Variants in DACH2 observed in about 807,000 individuals in gnomAD.
DACH2 encodes the protein dachshund homolog 2.
In DACH2, 17 loss-of-function variants were observed where a neutral mutation model predicts 35.8. The observed-to-expected ratio is 0.48, with a 90% confidence interval of 0.33 to 0.71. The LOEUF (loss-of-function observed/expected upper bound fraction) is 0.71, where lower values mean the gene tolerates loss of function less well. Among genes scored for constraint, DACH2 ranks in the 30% least tolerant of loss-of-function variants. The pLI, the probability that DACH2 is intolerant of heterozygous loss-of-function variation, is 0.02. For missense variants in DACH2, 469 were observed against 472.7 expected (o/e 0.99, Z 0.07); for synonymous variants, 195 against 177.3 (o/e 1.10, Z -0.79).
chrX:86,318,500 G>A (rs748639675), intron 1 of DACH2, among the ~76,000 whole-genome samples: 20 of 111,589 alleles, frequency 1.8e-4, no homozygotes, highest in Non-Finnish European at 3.6e-4. Context: ...GAGCATGATT[G>A]ACAAATTTGA....
chrX:86,234,809 C>T (rs1569311219), intron 1 of DACH2, among the ~76,000 whole-genome samples: 2 of 110,247 alleles, frequency 1.8e-5, no homozygotes, highest in Non-Finnish European at 3.8e-5. Flanking sequence ...GATAGGGTTT[C>T]GCCAAGTTGC....
intron 2 of DACH2, among the ~76,000 whole-genome samples, chrX:86,428,810 G>T (rs1229701164): frequency 9.3e-6 from 1 of 108,106 alleles, no homozygotes; most frequent in East Asian, 2.9e-4. Context: ...GCCTGGATTT[G>T]TCTGAAACTT....
chrX:86,263,107 T>C (rs2033656242), intron 1 of DACH2: 3 of 431,474 alleles, frequency 7.0e-6, no homozygotes, highest in Non-Finnish European at 8.7e-6. Context: ...GGACATTATG[T>C]AAGGAAAAGA....
intron 3 of DACH2, among the ~76,000 whole-genome samples, chrX:86,593,354 G>C (rs191659659): frequency 1.5e-3 from 165 of 107,421 alleles, no homozygotes; most frequent in African/African-American, 5.6e-3. Context: ...CACACTTGAA[G>C]TAAACCCTAT....
chrX:86,593,600 T>C (rs1198626233), intron 3 of DACH2, among the ~76,000 whole-genome samples: 3 of 107,927 alleles, frequency 2.8e-5, no homozygotes, highest in Non-Finnish European at 5.7e-5. Flanking sequence ...CTAAGTTTTG[T>C]ACTTTTTGTA....
chrX:86,769,879 A>G (rs1163710875), intron 7 of DACH2, among the ~76,000 whole-genome samples: 1 of 109,958 alleles, frequency 9.1e-6, no homozygotes, highest in Non-Finnish European at 1.9e-5. Context: ...GTGCAATTAT[A>G]GGCCAGGCGT....
intron 4 of DACH2, among the ~76,000 whole-genome samples, chrX:86,693,964 C>T (rs745412229): frequency 2.0e-5 from 2 of 100,939 alleles, no homozygotes; most frequent in South Asian, 4.5e-4. Context: ...TTCAATGTTG[C>T]GGATATGAGT....
chrX:86,148,481 T>A lies in DACH2; in HGVS notation c.-140T>A. The A allele has an allele frequency of 2.9e-6, 2 of 693,419 alleles. No individual in the cohort carries two copies. Among genetic ancestry groups the A allele is most frequent in the Non-Finnish European group, 4.2e-6 (2 of 479,785 alleles). The allele number at this position is 693,419 out of a possible 1,213,427, so 57.1% of individuals were successfully genotyped here. A position where few individuals can be genotyped will look rare whatever the true frequency, so the allele number is the denominator to read the frequency against. Reference sequence around the variant, plus strand: ...TTGTTGAGCTTGAGCGTGAGCCGGCTGCTGAAGACTTGCGAACAGTTCGGA... The same window carrying A: ...TTGTTGAGCTTGAGCGTGAGCCGGCAGCTGAAGACTTGCGAACAGTTCGGA... On this transcript the variant is annotated 5_prime_UTR_variant, in exon 1 of 12. Transcript: ENST00000373125.
chrX:86,232,842 T>C (rs1231587426), intron 1 of DACH2, among the ~76,000 whole-genome samples: 3 of 112,085 alleles, frequency 2.7e-5, no homozygotes, highest in African/African-American at 6.5e-5. Flanking sequence ...CATTACTGGA[T>C]GTATGCCCAA....
chrX:86,217,881 AAATGT>A (rs765331960), intron 1 of DACH2, among the ~76,000 whole-genome samples: 1,194 of 111,891 alleles, frequency 0.011, 21 homozygotes, highest in African/African-American at 0.037. Context: ...TATGGATAAC[AAATGT>A]AATGTAATGA....
At chrX:86,376,151 ATGTGTGTGTGTG>A (rs57467884) in intron 1 of DACH2, among the ~76,000 whole-genome samples, 2 of 95,791 alleles carry the variant, frequency 2.1e-5, no homozygotes, top group African/African-American at 3.8e-5. Context: ...GTGTGTGTGT[ATGTGTGTGTGTG>A]TGTGTGTGTG....
At chrX:86,358,386 C>A (rs2035677032) in intron 1 of DACH2, among the ~76,000 whole-genome samples, 1 of 106,405 alleles carries the variant, frequency 9.4e-6, no homozygotes. Flanking sequence ...AGTAGATTTA[C>A]CTGAGATAGA....
intron 3 of DACH2, among the ~76,000 whole-genome samples, chrX:86,515,360 G>A (rs1220512896): frequency 9.0e-6 from 1 of 110,620 alleles, no homozygotes; most frequent in East Asian, 2.9e-4. Context: ...AAACTTTGGA[G>A]CTGTATTTTG....
intron 1 of DACH2, among the ~76,000 whole-genome samples, chrX:86,200,607 A>G (rs1340474287): frequency 9.6e-6 from 1 of 103,741 alleles, no homozygotes; most frequent in Non-Finnish European, 2.0e-5. Context: ...AACCCCATTG[A>G]AAAGTGGGTA....
chrX:86,200,487 A>T lies in DACH2; in HGVS notation c.488+51379A>T, dbSNP rs1290780169. Reference sequence around the variant, plus strand: ...CAAAAAAACTATCAACAGAGTAAACAGAGAACATACAGAATGGGAGAAAAT... The same window carrying T: ...CAAAAAAACTATCAACAGAGTAAACTGAGAACATACAGAATGGGAGAAAAT... On this transcript the variant is annotated intron_variant, in intron 1 of 11. Coordinates refer to ENST00000373125, the MANE Select transcript of DACH2 (RefSeq NM_053281.3). 3.6e-5 allele frequency among the ~76,000 whole-genome samples: 4 copies of T among 110,981 alleles called. No homozygotes were observed. The East Asian group carries it at 1.1e-3, about 31-fold the overall frequency.
intron 3 of DACH2, among the ~76,000 whole-genome samples, chrX:86,571,471 C>T (rs1454847295): frequency 5.5e-5 from 6 of 109,508 alleles, no homozygotes; most frequent in African/African-American, 2.0e-4. Context: ...CAACAGTCCC[C>T]GGTGTGTGAT....
rs769548880 is a variant in DACH2 at position 86,396,158 on chromosome X, AT to A, written c.527+19297del. ...GGCCAGTGATGATGAGGATTTTTTC[AT>A]GTGTTTTTTGGCTGCATAAATGTCT... On this transcript the variant is annotated intron_variant, in intron 2 of 11. Transcript: ENST00000373125. Among the ~76,000 whole-genome samples the A allele has an allele frequency of 8.1e-5, 9 of 111,612 alleles. No individual in the cohort carries two copies. In the South Asian group the frequency reaches 3.3e-3, roughly 42 times the overall value.
At chrX:86,157,530 G>A (rs1046826598) in intron 1 of DACH2, among the ~76,000 whole-genome samples, 3 of 111,326 alleles carry the variant, frequency 2.7e-5, no homozygotes, top group African/African-American at 9.8e-5. Flanking sequence ...TAAACATAAC[G>A]TTAAGCTAGT....
chrX:86,659,557 T>A (rs2040582724), intron 4 of DACH2, among the ~76,000 whole-genome samples: 1 of 111,457 alleles, frequency 9.0e-6, no homozygotes. Context: ...CTTCCTCCTG[T>A]CCCCAACTAT....
Sources: gnomAD v4.1 joint callset for allele counts (sites outside exome capture counted in the v4.1 genomes callset) on GRCh38, gnomAD v4.1.1 for gene constraint, MANE v1.5 for transcripts, NCBI Gene and HGNC (gene_info 2026-07-23, HGNC 2026-07-21) for gene names.